TTBK2: variants seen among roughly 807,000 people sequenced by gnomAD.
TTBK2 encodes the protein tau tubulin kinase 2.
A neutral mutation model predicts 110.8 loss-of-function variants in TTBK2; 28 were observed. The ratio of observed to expected loss-of-function variants is 0.25; its 90% CI spans 0.19 to 0.35. The LOEUF is 0.35. Ranked by LOEUF, TTBK2 falls within the 10% of genes least tolerant of loss-of-function variation. The probability of loss-of-function intolerance (pLI) is 1.00; values close to 1 mark genes in which losing one functional copy is unlikely to be tolerated. For synonymous variants in TTBK2, 532 were observed against 527.3 expected, an observed-to-expected ratio of 1.01 and a Z score of -0.12; for missense variants, 1,369 against 1,500.3, an observed-to-expected ratio of 0.91 and a Z score of 1.45.
chr15:42,815,856 C>T (rs1344971313), intron 7 of TTBK2, among the ~76,000 whole-genome samples: 2 of 124,430 alleles, frequency 1.6e-5, no homozygotes, highest in Admixed American at 1.8e-4. Flanking sequence ...AATTCTCTCT[C>T]TCTATATATA....
intron 9 of TTBK2, among the ~76,000 whole-genome samples, chr15:42,808,313 A>C (rs569906430): frequency 6.6e-6 from 1 of 152,372 alleles, no homozygotes; most frequent in African/African-American, 2.4e-5. Context: ...AAGATTTATA[A>C]AATATACACA....
intron 6 of TTBK2, among the ~76,000 whole-genome samples, chr15:42,826,375 GA>G (rs1892538028): frequency 6.6e-6 from 1 of 152,068 alleles, no homozygotes; most frequent in African/African-American, 2.4e-5. Context: ...ATCCCATAAG[GA>G]GACCAAATAA....
chr15:42,763,095 T>C (rs1473444953), intron 13 of TTBK2, among the ~76,000 whole-genome samples: 4 of 120,072 alleles, frequency 3.3e-5, no homozygotes, highest in South Asian at 2.5e-4. Context: ...TATATATATA[T>C]ATATATACGT....
rs866579051 is a variant in TTBK2, at chr15:42,765,407, G to A, written c.1998+9728C>T. On this transcript the variant is annotated intron_variant, in intron 13 of 14. Transcript: ENST00000267890. ...CGAATGGCTAACTAGAATAAACAGC[G>A]TAGAGAAGACCTTAAATGACCTGAT... Among the ~76,000 whole-genome samples the A allele has an allele frequency of 2.0e-4, 31 of 152,296 alleles. 1 individual carries two copies. In the South Asian group the frequency reaches 2.3e-3, roughly 11 times the overall value.
intron 13 of TTBK2, among the ~76,000 whole-genome samples, chr15:42,762,768 T>C (rs1337334417): frequency 1.3e-5 from 2 of 151,832 alleles, no homozygotes; most frequent in African/African-American, 4.8e-5. Context: ...AAACAAACAA[T>C]GGAATACTAT....
In TTBK2 at chr15:42,742,484, A is replaced by G. The variant is rs1256840758; in HGVS notation, c.*3311T>C. 7.9e-5 allele frequency: 12 copies of G among 152,202 alleles called. No homozygotes were observed. The highest frequency in any genetic ancestry group is 7.9e-4 in the Admixed American group (12 of 15,282). 9.4% of individuals were successfully genotyped at this position (152,202 alleles called of 1,614,324 possible). On this transcript the variant is annotated 3_prime_UTR_variant, in exon 15 of 15. Coordinates refer to ENST00000267890, the MANE Select transcript of TTBK2 (RefSeq NM_173500.4). ...TTAAACGCCTCTACGCTGTGCAAGA[A>G]ATCACTATGTGTGATTTTACTATTT...
rs1003141778 is a variant in TTBK2, at chr15:42,743,275, T to C, written c.*2520A>G. 6.6e-5 allele frequency: 10 copies of C among 152,054 alleles called. No individual in the cohort carries two copies. Among genetic ancestry groups the C allele is most frequent in the African/African-American group, 1.2e-4 (5 of 41,400 alleles). 9.4% of individuals were successfully genotyped at this position (152,054 alleles called of 1,614,324 possible). ...AAAAGGGGACAACACACTAGAAAAG[T>C]TGAGATAAAAATGGAAGGAACCAAG... On this transcript the variant is annotated 3_prime_UTR_variant, in exon 15 of 15. Transcript: ENST00000267890.
At chr15:42,918,599 C>A (rs530323274) in intron 1 of TTBK2, among the ~76,000 whole-genome samples, 4 of 152,242 alleles carry the variant, frequency 2.6e-5, no homozygotes, top group African/African-American at 9.6e-5. Context: ...CTTTGAAAAA[C>A]CAATAACTTA....
intron 8 of TTBK2, 149 bp downstream of exon 8, chr15:42,811,539 C>T: frequency 1.6e-6 from 1 of 637,314 alleles, no homozygotes; most frequent in Non-Finnish European, 2.8e-6. Context: ...CTAATGTCAG[C>T]TCACACAGAA....
In TTBK2 at chr15:42,872,714, G is replaced by A; in HGVS notation, c.114C>T (p.Ala38=). 6.2e-7 allele frequency: 1 copy of A among 1,614,018 alleles called. No homozygotes were observed. The change falls in exon 3 of 15, where the codon GCC becomes GCT. Residue 38 remains alanine, a synonymous_variant. Transcript: ENST00000267890. ...CATTTTCCCTGGTGAGCATGTCCAA[G>A]GCATCGTAAATTTCTCCAAAGCCCC... ...GGGGFGEIYD[A]LDMLTRENVA...
intron 3 of TTBK2, among the ~76,000 whole-genome samples, chr15:42,857,709 C>T (rs183242059): frequency 2.5e-4 from 38 of 152,172 alleles, no homozygotes; most frequent in African/African-American, 8.7e-4. Context: ...ACTTCTAATA[C>T]GTTCTTACAT....
intron 13 of TTBK2, among the ~76,000 whole-genome samples, chr15:42,759,351 G>C (rs529967287): frequency 5.3e-5 from 8 of 152,336 alleles, no homozygotes; most frequent in Non-Finnish European, 1.0e-4. Context: ...GCTCCTGGCA[G>C]ATACACCCCC....
intron 6 of TTBK2, among the ~76,000 whole-genome samples, chr15:42,822,597 G>GAA (rs1045273189): frequency 6.7e-6 from 1 of 148,730 alleles, no homozygotes; most frequent in East Asian, 2.0e-4. Flanking sequence ...GACCATGAGA[G>GAA]AAAAAAAAAC....
chr15:42,889,700 A>G (rs1460509688), intron 1 of TTBK2, among the ~76,000 whole-genome samples: 1 of 152,118 alleles, frequency 6.6e-6, no homozygotes, highest in African/African-American at 2.4e-5. Context: ...CTCAATTGAT[A>G]CAAAACCGCA....
At chr15:42,918,406 C>T (rs1056684028) in intron 1 of TTBK2, among the ~76,000 whole-genome samples, 1 of 151,822 alleles carries the variant, frequency 6.6e-6, no homozygotes, top group African/African-American at 2.4e-5. Context: ...TCTCAGGATT[C>T]GAATCTGAAA....
intron 13 of TTBK2, among the ~76,000 whole-genome samples, chr15:42,769,626 T>C (rs536154462): frequency 1.1e-4 from 16 of 152,106 alleles, no homozygotes; most frequent in Non-Finnish European, 1.8e-4. Flanking sequence ...CTGGAGAGGA[T>C]GTGGAGAAAT....
At chr15:42,896,884 AT>A (rs757444236) in intron 1 of TTBK2, among the ~76,000 whole-genome samples, 203 of 146,248 alleles carry the variant, frequency 1.4e-3, no homozygotes, top group East Asian at 5.3e-3. Context: ...TCAGTTTTAG[AT>A]TTTTTTTTTT....
chr15:42,858,354 C>A (rs1318624455), intron 3 of TTBK2, among the ~76,000 whole-genome samples: 1 of 151,932 alleles, frequency 6.6e-6, no homozygotes, highest in African/African-American at 2.4e-5. Context: ...AATTATATGA[C>A]GTCTATAATT....
intron 6 of TTBK2, among the ~76,000 whole-genome samples, chr15:42,823,482 T>C (rs956874934): frequency 1.3e-5 from 2 of 152,224 alleles, no homozygotes; most frequent in Non-Finnish European, 2.9e-5. Flanking sequence ...GTATAACAGA[T>C]ACACTCCATC....
Sources: gnomAD v4.1 joint callset for allele counts (sites outside exome capture counted in the v4.1 genomes callset) on GRCh38, gnomAD v4.1.1 for gene constraint, MANE v1.5 for transcripts, NCBI Gene and HGNC (gene_info 2026-07-23, HGNC 2026-07-21) for gene names.